Variants in TMEM229B observed in about 807,000 individuals in gnomAD.
TMEM229B encodes the protein transmembrane protein 229B.
TMEM229B carries 6 observed loss-of-function variants against 13.7 expected under a neutral mutation model. The observed-to-expected ratio is 0.44, with a 90% CI of 0.24 to 0.86. TMEM229B has a LOEUF of 0.86. Ranked by LOEUF, TMEM229B falls within the 40% of genes least tolerant of loss-of-function variation. TMEM229B has a pLI of 0.23. For missense variants in TMEM229B, 170 were observed against 236.0 expected (o/e 0.72, Z 1.83); for synonymous variants, 107 against 102.1 (o/e 1.05, Z -0.29).
chr14:67,473,498 G>A lies in TMEM229B; in HGVS notation c.426C>T (p.Leu142=). Reference sequence around the variant, plus strand: ...CGGGCTCAGCGTCCTTGTCGAAGCGGAGGCGGAGGGTGTTGCGGATGATGA... The same window carrying A: ...CGGGCTCAGCGTCCTTGTCGAAGCGAAGGCGGAGGGTGTTGCGGATGATGA... ...EQFIIRNTLR[L]RFDKDAEPGE... Residue 142 remains leucine (L), a synonymous_variant, in exon 3 of 3, where the codon CTC becomes CTT. Coordinates refer to ENST00000554480, the MANE Select transcript of TMEM229B (RefSeq NM_001348543.2). The surrounding 1 kb of genome is among the most constrained non-coding windows in gnomAD (Gnocchi z 6.5). 1 of 1,614,208 alleles carries A rather than the reference G, an allele frequency of 6.2e-7. No individual in the cohort carries two copies. Among genetic ancestry groups the A allele is most frequent in the Non-Finnish European group, 8.5e-7 (1 of 1,180,030 alleles).
upstream of TMEM229B, among the ~76,000 whole-genome samples, chr14:67,518,587 G>A (rs2033242646): frequency 6.6e-6 from 1 of 152,198 alleles, no homozygotes; most frequent in South Asian, 2.1e-4. Flanking sequence ...AAGTATCTTT[G>A]TATCTCTAAA....
chr14:67,496,391 GTTTTTTTTTTTTTTTTT>G (rs555715850), intron 1 of TMEM229B, among the ~76,000 whole-genome samples: 5 of 30,108 alleles, frequency 1.7e-4, no homozygotes, highest in African/African-American at 3.9e-4. Flanking sequence ...CTGCTCCGGC[GTTTTTTTTTTTTTTTTT>G]TTTTTTTTTT....
chr14:67,505,569 T>A (rs1289391060), intron 1 of TMEM229B, among the ~76,000 whole-genome samples: 2 of 152,148 alleles, frequency 1.3e-5, no homozygotes, highest in African/African-American at 4.8e-5. Flanking sequence ...TAATGTGGGC[T>A]GGCATGAGGT....
At chr14:67,500,266 G>T (rs2032550719) in intron 1 of TMEM229B, among the ~76,000 whole-genome samples, 1 of 152,098 alleles carries the variant, frequency 6.6e-6, no homozygotes, top group African/African-American at 2.4e-5. Flanking sequence ...ACGAGATCAG[G>T]AGTTCAAGAC....
chr14:67,493,567 A>G (rs2032251667), upstream of TMEM229B, among the ~76,000 whole-genome samples: 1 of 152,274 alleles, frequency 6.6e-6, no homozygotes, highest in South Asian at 2.1e-4. Context: ...TGCTGGTTTC[A>G]CTTTGCGACA....
intron 1 of TMEM229B, among the ~76,000 whole-genome samples, chr14:67,513,204 G>A (rs1165869487): frequency 3.9e-5 from 6 of 152,198 alleles, no homozygotes; most frequent in African/African-American, 1.4e-4. Flanking sequence ...GAGGCTCGGA[G>A]GTCAGGCCTC....
At chr14:67,515,727 G>A (rs2033186344), upstream of TMEM229B, among the ~76,000 whole-genome samples, 1 of 152,238 alleles carries the variant, frequency 6.6e-6, no homozygotes, top group Admixed American at 6.5e-5. Context: ...GCTTGTAGTT[G>A]TGGGGACCAG....
At position 67,481,710 on chromosome 14, in the gene TMEM229B, G is replaced by A. The variant is rs181974299; in HGVS notation, c.-19+5290C>T. On this transcript the variant is annotated intron_variant, in intron 2 of 2. Transcript: ENST00000554480. ...AGGACAGGCTCGCCCACCCCATACA[G>A]GGCCTGACAGGCCTCTATTCCCTGC... is the stretch of plus-strand genomic sequence containing the variant. Among the ~76,000 whole-genome samples, 146 of 152,248 alleles carry A rather than the reference G, an allele frequency of 9.6e-4. 2 individuals carry two copies. Among genetic ancestry groups the A allele is most frequent in the African/African-American group, 3.4e-3 (143 of 41,548 alleles).
chr14:67,487,787 C>A (rs2031962851), intron 1 of TMEM229B, among the ~76,000 whole-genome samples: 1 of 151,948 alleles, frequency 6.6e-6, no homozygotes, highest in Non-Finnish European at 1.5e-5. Flanking sequence ...TGCCCTTTGC[C>A]ATGTACTTTA....
intron 1 of TMEM229B, among the ~76,000 whole-genome samples, chr14:67,513,792 A>T (rs939465381): frequency 6.6e-6 from 1 of 152,120 alleles, no homozygotes; most frequent in African/African-American, 2.4e-5. Flanking sequence ...CAGGGAAAAA[A>T]ATCTGAGCTC....
chr14:67,508,211 T>C (rs10133655), intron 1 of TMEM229B, among the ~76,000 whole-genome samples: 113,419 of 151,014 alleles, frequency 0.75, 43,719 homozygotes, highest in Non-Finnish European at 0.85. Context: ...CTGACTTTGT[T>C]CCTTAGCTTC....
intron 1 of TMEM229B, among the ~76,000 whole-genome samples, chr14:67,513,836 G>C (rs1566702571): frequency 1.3e-5 from 2 of 152,188 alleles, no homozygotes; most frequent in Admixed American, 1.3e-4. Flanking sequence ...ATAGGAGCTG[G>C]TGGTCACATG....
chr14:67,483,825 G>T lies in TMEM229B; in HGVS notation c.-19+3175C>A, dbSNP rs116039517. Among the ~76,000 whole-genome samples, 896 of 152,362 alleles carry T rather than the reference G, an allele frequency of 5.9e-3. 7 individuals are homozygous for T. Among genetic ancestry groups the T allele is most frequent in the African/African-American group, 0.02 (847 of 41,584 alleles). On this transcript the variant is annotated intron_variant, in intron 2 of 2. Transcript: ENST00000554480. ...GAGCAGGGGCCAGCTGCCCAGAGGA[G>T]CAACAGCCAGCATGTCAGGAGGAGC...
intron 2 of TMEM229B, among the ~76,000 whole-genome samples, chr14:67,480,676 C>T (rs1434483362): frequency 1.3e-5 from 2 of 152,206 alleles, no homozygotes; most frequent in Non-Finnish European, 2.9e-5. Context: ...CCCCCTGGCT[C>T]TTCCAACCCC....
rs933674820 is a variant in TMEM229B, at chr14:67,479,032, CT to C, written c.-18-5092del. Among the ~76,000 whole-genome samples, 6 of 152,186 alleles carry C rather than the reference CT, an allele frequency of 3.9e-5. No homozygotes were observed. In the South Asian group the frequency reaches 1.0e-3, roughly 26 times the overall value. On this transcript the variant is annotated intron_variant, in intron 2 of 2. Coordinates refer to ENST00000554480, the MANE Select transcript of TMEM229B (RefSeq NM_001348543.2). The stretch of plus-strand genomic sequence containing the variant: ...TCTCTGGATGGTGATATCATATGTG[CT>C]TTTTTTCTTTATATTTTTCTGCATA...
At chr14:67,476,527 C>T (rs1376510294) in intron 2 of TMEM229B, among the ~76,000 whole-genome samples, 2 of 152,204 alleles carry the variant, frequency 1.3e-5, no homozygotes, top group East Asian at 1.9e-4. Flanking sequence ...GCGGAGGTTG[C>T]AGTGAGCCAA....
chr14:67,489,985 G>A (rs539430226), upstream of TMEM229B, among the ~76,000 whole-genome samples: 459 of 117,652 alleles, frequency 3.9e-3, 3 homozygotes, highest in Non-Finnish European at 6.1e-3. Context: ...GCGAGACTCC[G>A]TCTCAAAAAA....
At chr14:67,514,967 C>T (rs2033153971) in intron 1 of TMEM229B, 1 of 123,536 alleles carries the variant, frequency 8.1e-6, no homozygotes, top group Admixed American at 8.4e-5. Flanking sequence ...AGTCCGGTCG[C>T]CCAGTCTTCC....
rs967564472 is a variant in TMEM229B, at chr14:67,496,334, C to A, written c.-191-9162G>T. On this transcript the variant is annotated intron_variant, in intron 1 of 2. Coordinates refer to the TMEM229B transcript ENST00000357461. ...TCTCAAATTCCTGGGCTCAAGTGAT[C>A]CACCCATCTTGGCCTCCCAAAGTGC... Among the ~76,000 whole-genome samples the A allele has an allele frequency of 2.7e-5, 4 of 150,024 alleles. No homozygotes were observed. The South Asian group carries it at 8.5e-4, about 32-fold the overall frequency.
Sources: allele counts gnomAD v4.1 joint callset (sites outside exome capture counted in the v4.1 genomes callset), GRCh38; gene constraint gnomAD v4.1.1; non-coding constraint Gnocchi (gnomAD v3.1); transcripts MANE v1.5; gene names NCBI Gene and HGNC (gene_info 2026-07-23, HGNC 2026-07-21).